The following DIP2C variants were observed in gnomAD, a reference collection of about 807,000 sequenced individuals.
DIP2C encodes DIP2 acetate--CoA ligase C (putative), also known as disco-interacting protein 2 homolog C.
DIP2C carries 33 observed loss-of-function variants against 192.4 expected under a neutral mutation model. The ratio of observed to expected loss-of-function variants is 0.17; its 90% confidence interval spans 0.13 to 0.23. The LOEUF is 0.23. Ranked by LOEUF, DIP2C falls within the 10% of genes least tolerant of loss-of-function variation. DIP2C has a pLI of 1.00. For synonymous variants in DIP2C, 979 were observed against 864.1 expected (o/e 1.13, Z -2.33); for missense variants, 1,537 against 2,110.1 (o/e 0.73, Z 5.32).
chr10:372,513 G>C (rs1961087046), intron 17 of DIP2C, among the ~76,000 whole-genome samples: 1 of 152,216 alleles, frequency 6.6e-6, no homozygotes, highest in Admixed American at 6.5e-5. Context: ...GTTCCAGGAG[G>C]CTGAATATGT....
chr10:587,130 T>C (rs1275841362), intron 1 of DIP2C, among the ~76,000 whole-genome samples: 1 of 150,356 alleles, frequency 6.7e-6, no homozygotes, highest in Non-Finnish European at 1.5e-5. Flanking sequence ...GGGCAAACAG[T>C]GCAGGGTCTA....
At chr10:350,629 G>C (rs1958745498) in intron 24 of DIP2C, among the ~76,000 whole-genome samples, 2 of 130,194 alleles carry the variant, frequency 1.5e-5, no homozygotes, top group South Asian at 5.1e-4. Flanking sequence ...CCCGGGCTCA[G>C]GAATTTTTTT....
At chr10:487,435 C>T (rs1409605375) in intron 1 of DIP2C, among the ~76,000 whole-genome samples, 2 of 152,100 alleles carry the variant, frequency 1.3e-5, no homozygotes, top group African/African-American at 4.8e-5. Context: ...CTGCCTCTGC[C>T]TCCACGGCTG....
intron 1 of DIP2C, among the ~76,000 whole-genome samples, chr10:672,032 G>T (rs911623817): frequency 7.0e-6 from 1 of 143,058 alleles, no homozygotes; most frequent in South Asian, 2.4e-4. Flanking sequence ...CAGACGCACG[G>T]AAGGAGGAAA....
chr10:432,052 G>A (rs948251794), intron 4 of DIP2C, among the ~76,000 whole-genome samples: 21 of 151,688 alleles, frequency 1.4e-4, no homozygotes, highest in African/African-American at 2.4e-4. Flanking sequence ...CTTTGGATGC[G>A]TGAAACAAAT....
At chr10:305,079 G>A (rs142036895) in intron 32 of DIP2C, among the ~76,000 whole-genome samples, 1 of 152,108 alleles carries the variant, frequency 6.6e-6, no homozygotes, top group Non-Finnish European at 1.5e-5. Flanking sequence ...GCACATGCAT[G>A]TGCAGTTGAA....
intron 4 of DIP2C, among the ~76,000 whole-genome samples, chr10:426,554 T>C (rs1966609801): frequency 6.6e-6 from 1 of 152,188 alleles, no homozygotes; most frequent in Non-Finnish European, 1.5e-5. Flanking sequence ...CAAAATAATT[T>C]TGAAAAAGGA....
chr10:432,098 C>T (rs369352898), intron 4 of DIP2C, among the ~76,000 whole-genome samples: 10 of 151,246 alleles, frequency 6.6e-5, no homozygotes, highest in African/African-American at 2.2e-4. Context: ...TTTTTTTTTA[C>T]ACTGTTGGAT....
At chr10:410,797 CA>C (rs991819926) in intron 8 of DIP2C, among the ~76,000 whole-genome samples, 1 of 152,148 alleles carries the variant, frequency 6.6e-6, no homozygotes, top group African/African-American at 2.4e-5. Flanking sequence ...AAAACACATG[CA>C]AACTTTTGGA....
intron 1 of DIP2C, among the ~76,000 whole-genome samples, chr10:589,607 G>A (rs570724998): frequency 1.1e-4 from 16 of 152,140 alleles, no homozygotes; most frequent in Non-Finnish European, 1.8e-4. Flanking sequence ...GCATCTTTGG[G>A]TCTTCTGGAC....
intron 1 of DIP2C, among the ~76,000 whole-genome samples, chr10:597,942 T>G (rs1851813618): frequency 6.6e-6 from 1 of 152,208 alleles, no homozygotes; most frequent in Admixed American, 6.5e-5. Flanking sequence ...AGCACCCATC[T>G]GTCCACTCTT....
intron 35 of DIP2C, among the ~76,000 whole-genome samples, chr10:281,640 G>A (rs1159412493): frequency 6.6e-6 from 1 of 152,236 alleles, no homozygotes; most frequent in Non-Finnish European, 1.5e-5. Context: ...GAGCAACTGA[G>A]GGGCGAAGTC....
intron 1 of DIP2C, among the ~76,000 whole-genome samples, chr10:619,541 G>GCCCTCCCTCCCTCCCTCCCTCCCTCCCA (rs1554757196): frequency 1.5e-5 from 1 of 67,896 alleles, no homozygotes; most frequent in African/African-American, 3.5e-5. Context: ...CCGCCCGCCC[G>GCCCTCCCTCCCTCCCTCCCTCCCTCCCA]CCCTCCCACC....
At chr10:658,990 ACATG>A (rs2096409848) in intron 1 of DIP2C, among the ~76,000 whole-genome samples, 1 of 152,156 alleles carries the variant, frequency 6.6e-6, no homozygotes, top group Admixed American at 6.5e-5. Flanking sequence ...ACACACACAT[ACATG>A]CAATACACAC....
intron 2 of DIP2C, chr10:484,821 GGCCACC>G: frequency 6.2e-7 from 1 of 1,611,370 alleles, no homozygotes; most frequent in Non-Finnish European, 8.5e-7. Context: ...CTGCGGTGCT[GGCCACC>G]CGCTCCCGAG....
At position 415,762 on chromosome 10, in the gene DIP2C, C is replaced by A. The variant is rs377309557; in HGVS notation, c.859+7G>T. The A allele has an allele frequency of 3.7e-6, 6 of 1,613,774 alleles. No homozygotes were observed. The African/African-American group carries it at 5.3e-5, about 14-fold the overall frequency. ...TGGAAGAAACGTGTGGTAAAGAGTT[C>A]TCTCACCTTCTAATAATTCTTCAAA... On this transcript the variant is annotated splice_region_variant and intron_variant, in intron 7 of 36. Transcript: ENST00000280886.
At chr10:412,678 C>CA (rs1224490616) in intron 8 of DIP2C, among the ~76,000 whole-genome samples, 2 of 152,192 alleles carry the variant, frequency 1.3e-5, no homozygotes, top group African/African-American at 4.8e-5. Flanking sequence ...CCCAGAGCCC[C>CA]ACCCTGAAAG....
chr10:468,626 G>A (rs1970403761), intron 3 of DIP2C, among the ~76,000 whole-genome samples: 1 of 152,152 alleles, frequency 6.6e-6, no homozygotes. Flanking sequence ...AAGGCATGGT[G>A]GCGCATGCCT....
chr10:659,426 A>C (rs1266833169), intron 1 of DIP2C, among the ~76,000 whole-genome samples: 1 of 152,238 alleles, frequency 6.6e-6, no homozygotes, highest in African/African-American at 2.4e-5. Flanking sequence ...CCATTATTCA[A>C]TTCTATACAA....
Sources: allele counts gnomAD v4.1 joint callset (sites outside exome capture counted in the v4.1 genomes callset), GRCh38; gene constraint gnomAD v4.1.1; transcripts MANE v1.5; gene names NCBI Gene and HGNC (gene_info 2026-07-23, HGNC 2026-07-21).